Variants in HACL2 observed in about 807,000 individuals in gnomAD.
HACL2 encodes 2-hydroxyacyl-CoA lyase 1 like.
chr19:15,124,829 T>C, the HACL2 span: 1 of 1,490,974 alleles, frequency 6.7e-7, no homozygotes, highest in African/African-American at 1.4e-5. Context: ...CGGGGCTCGC[T>C]TTCCCACCCT....
the HACL2 span, chr19:15,125,258 T>G: frequency 4.9e-6 from 3 of 618,472 alleles, no homozygotes; most frequent in Non-Finnish European, 8.4e-6. Flanking sequence ...TGCCTCTCCG[T>G]GACAAGGTCA....
chr19:15,125,157 G>T, the HACL2 span: 1 of 1,294,996 alleles, frequency 7.7e-7, no homozygotes, highest in Non-Finnish European at 1.0e-6. Context: ...CAGGATCCAG[G>T]GCCACGACCC....
chr19:15,119,569 G>C, the HACL2 span: 1 of 1,473,326 alleles, frequency 6.8e-7, no homozygotes, highest in Non-Finnish European at 9.4e-7. Flanking sequence ...TTATTTTTTT[G>C]AGACACAGTT....
the HACL2 span, chr19:15,119,116 G>T: frequency 6.6e-7 from 1 of 1,517,010 alleles, no homozygotes; most frequent in Non-Finnish European, 8.8e-7. Context: ...TGGGTAACAG[G>T]GTGAGGGGGT....
chr19:15,121,549 C>T, the HACL2 span, among the ~76,000 whole-genome samples: 1 of 152,150 alleles, frequency 6.6e-6, no homozygotes, highest in African/African-American at 2.4e-5. Context: ...GGCGCAGTGG[C>T]TCATGTCTGT....
chr19:15,116,424 T>TCTGC, the HACL2 span: 1 of 1,613,830 alleles, frequency 6.2e-7, no homozygotes, highest in Non-Finnish European at 8.5e-7. Context: ...GTCTGCTCCT[T>TCTGC]CTGCCGGTCG....
At chr19:15,119,191 C>T in the HACL2 span, 8 of 1,588,026 alleles carry the variant, frequency 5.0e-6, no homozygotes, top group African/African-American at 1.1e-4. Flanking sequence ...CATCCGCCTT[C>T]TTCAGGGCCG....
chr19:15,120,888 T>C, the HACL2 span, among the ~76,000 whole-genome samples: 5 of 151,988 alleles, frequency 3.3e-5, no homozygotes, highest in East Asian at 3.9e-4. Context: ...GCTATGATCA[T>C]ACCACTGCAC....
the HACL2 span, among the ~76,000 whole-genome samples, chr19:15,120,662 G>C: frequency 6.6e-6 from 1 of 152,222 alleles, no homozygotes; most frequent in Non-Finnish European, 1.5e-5. Context: ...CCTCCCCTCA[G>C]GGGGCGCTCT....
At chr19:15,119,585 CTG>C in the HACL2 span, 1 of 1,345,980 alleles carries the variant, frequency 7.4e-7, no homozygotes, top group Non-Finnish European at 1.0e-6. Context: ...CAGTTTCACT[CTG>C]TTGCCCAGGA....
the HACL2 span, chr19:15,115,283 G>A: frequency 4.7e-5 from 76 of 1,614,028 alleles, no homozygotes; most frequent in East Asian, 2.0e-4. Context: ...GCGGAAGTCC[G>A]TCCTCCCAAT....
At chr19:15,117,623 G>A in the HACL2 span, 2 of 363,664 alleles carry the variant, frequency 5.5e-6, no homozygotes, top group South Asian at 4.1e-5. Flanking sequence ...AGGGTGCAGT[G>A]AGCTGTGATT....
At chr19:15,123,631 T>C in the HACL2 span, 3 of 1,548,490 alleles carry the variant, frequency 1.9e-6, no homozygotes, top group South Asian at 2.3e-5. This position sits in a 1 kb window ranked among gnomAD's most constrained non-coding sequence, Gnocchi z 5.1. Flanking sequence ...AGAGGGCAGC[T>C]GGGAAAGGGG....
At chr19:15,116,264 C>T in the HACL2 span, 2 of 1,614,044 alleles carry the variant, frequency 1.2e-6, no homozygotes, top group Non-Finnish European at 1.7e-6. Context: ...TTTCCTCCAC[C>T]AGCTGCAGCA....
At chr19:15,124,896 C>T in the HACL2 span, 11 of 1,583,602 alleles carry the variant, frequency 6.9e-6, 1 homozygote, top group South Asian at 1.3e-4. Context: ...TGACTGCCCC[C>T]AGCCCACCTC....
chr19:15,122,966 A>C, the HACL2 span: 2 of 1,603,972 alleles, frequency 1.2e-6, no homozygotes. This position sits in a 1 kb window ranked among gnomAD's most constrained non-coding sequence, Gnocchi z 4.0. Flanking sequence ...CCGCACAGAC[A>C]CACAAAACTT....
chr19:15,115,512 C>T, the HACL2 span: 1 of 1,601,650 alleles, frequency 6.2e-7, no homozygotes, highest in Non-Finnish European at 8.5e-7. Flanking sequence ...AACACAAGCC[C>T]AGCTGGGACT....
At chr19:15,115,632 T>C in the HACL2 span, 2 of 1,613,794 alleles carry the variant, frequency 1.2e-6, no homozygotes, top group African/African-American at 2.7e-5. Flanking sequence ...GAAATCTGTG[T>C]CCAGCCAGCA....
the HACL2 span, chr19:15,115,060 C>T: frequency 1.5e-6 from 1 of 664,150 alleles, no homozygotes; most frequent in Non-Finnish European, 2.7e-6. Context: ...ACAGTTGGGT[C>T]CGTGAAGAGG....
Sources: allele counts gnomAD v4.1 joint callset (sites outside exome capture counted in the v4.1 genomes callset), GRCh38; gene constraint gnomAD v4.1.1; non-coding constraint Gnocchi (gnomAD v3.1); transcripts MANE v1.5; gene names NCBI Gene and HGNC (gene_info 2026-07-23, HGNC 2026-07-21).